NEGR1: variants seen among roughly 807,000 people sequenced by gnomAD.
NEGR1 encodes the protein IgLON family member 4.
In NEGR1, 10 loss-of-function variants were observed where a neutral mutation model predicts 40.9. The observed-to-expected ratio is 0.24, with a 90% CI of 0.15 to 0.42. NEGR1 has a LOEUF of 0.42. Among genes scored for constraint, NEGR1 ranks in the 10% least tolerant of loss-of-function variants. NEGR1 has a pLI of 1.00. For missense variants in NEGR1, 352 were observed against 438.9 expected (o/e 0.80, Z 1.77); for synonymous variants, 185 against 166.8 (o/e 1.11, Z -0.84).
intron 1 of NEGR1, among the ~76,000 whole-genome samples, chr1:72,238,897 GC>G (rs982357443): frequency 2.0e-5 from 3 of 151,814 alleles, no homozygotes; most frequent in African/African-American, 7.2e-5. Context: ...CTTTCAATGT[GC>G]CTCATACCAG....
intron 1 of NEGR1, among the ~76,000 whole-genome samples, chr1:72,007,532 C>T (rs1448747633): frequency 6.6e-6 from 1 of 152,098 alleles, no homozygotes; most frequent in Non-Finnish European, 1.5e-5. Flanking sequence ...TCCGCCACTG[C>T]TATGCCACAT....
rs35429988 is a variant in NEGR1 at position 71,927,818 on chromosome 1, TAAAAAAAAAAAAAAAAAA to T, written c.409+7243_409+7260del. Among the ~76,000 whole-genome samples, 93 of 22,448 alleles carry T rather than the reference TAAAAAAAAAAAAAAAAAA, an allele frequency of 4.1e-3. 2 individuals carry two copies. The South Asian group carries it at 0.045, about 11-fold the overall frequency. The allele number at this position is 22,448 out of a possible 152,430, so 14.7% of individuals were successfully genotyped here. ...GGGCAACATGGCAAGACCCAATCTC[TAAAAAAAAAAAAAAAAAA>T]AAAAAAAAAAAAAAAGCCAGGCAGA... On this transcript the variant is annotated intron_variant, in intron 2 of 6. Coordinates refer to ENST00000357731, the MANE Select transcript of NEGR1 (RefSeq NM_173808.3).
At chr1:71,957,264 A>G (rs898419163) in intron 1 of NEGR1, among the ~76,000 whole-genome samples, 76 of 152,114 alleles carry the variant, frequency 5.0e-4, no homozygotes, top group African/African-American at 1.8e-3. Context: ...GGAGCAGAAA[A>G]CTAAATGCCA....
Position 71,740,754 on chromosome 1 carries a change from G to A in NEGR1, c.535+35418C>T, listed in dbSNP as rs560841686. ...TAAATTAAATTAAATAATGAATATTGCAAGTGTATCTGCCATCTTTTGCCA... is the reference window on the plus strand; with the variant it reads ...TAAATTAAATTAAATAATGAATATTACAAGTGTATCTGCCATCTTTTGCCA... On this transcript the variant is annotated intron_variant, in intron 3 of 6. Coordinates refer to ENST00000357731, the MANE Select transcript of NEGR1 (RefSeq NM_173808.3). 2.6e-5 allele frequency among the ~76,000 whole-genome samples: 4 copies of A among 152,240 alleles called. No individual in the cohort carries two copies. In the East Asian group the frequency reaches 7.7e-4, roughly 29 times the overall value.
chr1:72,008,670 C>A (rs545610437), intron 1 of NEGR1, among the ~76,000 whole-genome samples: 1 of 151,960 alleles, frequency 6.6e-6, no homozygotes, highest in Admixed American at 6.6e-5. Context: ...TTAGCCTTGG[C>A]CTATGTAATT....
intron 1 of NEGR1, among the ~76,000 whole-genome samples, chr1:72,013,990 G>GAAAAAAAAAAAA (rs1557483824): frequency 8.4e-6 from 1 of 119,212 alleles, no homozygotes; most frequent in Admixed American, 8.3e-5. Context: ...AAAAAAAAAG[G>GAAAAAAAAAAAA]AGGTTGGGGG....
intron 2 of NEGR1, among the ~76,000 whole-genome samples, chr1:71,925,468 C>T (rs2101886903): frequency 6.6e-6 from 1 of 152,294 alleles, no homozygotes; most frequent in African/African-American, 2.4e-5. Flanking sequence ...CATAGCCTCA[C>T]TCTAATTCTG....
chr1:71,786,072 T>A (rs948736768), intron 2 of NEGR1, among the ~76,000 whole-genome samples: 1 of 152,094 alleles, frequency 6.6e-6, no homozygotes, highest in African/African-American at 2.4e-5. Flanking sequence ...ATTTTTCTAA[T>A]CATGAAGATA....
At chr1:72,134,572 C>G (rs1243321339) in intron 1 of NEGR1, among the ~76,000 whole-genome samples, 1 of 150,638 alleles carries the variant, frequency 6.6e-6, no homozygotes, top group Non-Finnish European at 1.5e-5. Context: ...TATACAATGG[C>G]AATTTCATGC....
chr1:71,688,325 T>TAG (rs1553158603), intron 4 of NEGR1, among the ~76,000 whole-genome samples: 8 of 103,234 alleles, frequency 7.7e-5, no homozygotes, highest in Non-Finnish European at 1.1e-4. Context: ...TATATATATA[T>TAG]ATAGATAGAT....
At chr1:72,045,408 T>C (rs1030138859) in intron 1 of NEGR1, among the ~76,000 whole-genome samples, 1 of 151,758 alleles carries the variant, frequency 6.6e-6, no homozygotes, top group Non-Finnish European at 1.5e-5. Context: ...AAACTTCATC[T>C]TGTAGCTTCC....
intron 1 of NEGR1, among the ~76,000 whole-genome samples, chr1:72,008,879 C>T: frequency 6.6e-6 from 1 of 151,874 alleles, no homozygotes; most frequent in East Asian, 1.9e-4. Context: ...TTTTTGAAAA[C>T]TCCTTCAGAA....
At chr1:71,976,779 T>C (rs1646308476) in intron 1 of NEGR1, among the ~76,000 whole-genome samples, 1 of 152,302 alleles carries the variant, frequency 6.6e-6, no homozygotes, top group African/African-American at 2.4e-5. Flanking sequence ...TCACTGACTC[T>C]AAAAGTAATA....
chr1:71,452,997 A>T (rs1277650825), intron 6 of NEGR1, among the ~76,000 whole-genome samples: 1 of 152,154 alleles, frequency 6.6e-6, no homozygotes, highest in Non-Finnish European at 1.5e-5. Context: ...TATTTCTATG[A>T]CCAAAAGTAT....
At chr1:72,148,717 G>A (rs1005880571) in intron 1 of NEGR1, among the ~76,000 whole-genome samples, 1 of 152,098 alleles carries the variant, frequency 6.6e-6, no homozygotes, top group African/African-American at 2.4e-5. Context: ...AAATCTCTAA[G>A]GCAGGGGCAA....
In NEGR1 at chr1:71,789,792, C is replaced by T. The variant is rs1570349277; in HGVS notation, c.410-13495G>A. On this transcript the variant is annotated intron_variant, in intron 2 of 6. Coordinates refer to ENST00000357731, the MANE Select transcript of NEGR1 (RefSeq NM_173808.3). ...TTTCTTGTTTTGAACACTCCAGTCT[C>T]GTCACTTGATAAATCCACCAAAAAT... Among the ~76,000 whole-genome samples, 5 of 152,050 alleles carry T rather than the reference C, an allele frequency of 3.3e-5. No homozygotes were observed. The East Asian group carries it at 5.8e-4, about 18-fold the overall frequency.
intron 1 of NEGR1, among the ~76,000 whole-genome samples, chr1:72,063,723 C>G (rs1647212236): frequency 6.6e-6 from 1 of 151,952 alleles, no homozygotes; most frequent in Non-Finnish European, 1.5e-5. Flanking sequence ...AACTATCTCA[C>G]ATGCCATCCT....
intron 1 of NEGR1, among the ~76,000 whole-genome samples, chr1:72,244,925 T>C (rs906896181): frequency 1.3e-5 from 2 of 152,010 alleles, no homozygotes; most frequent in Non-Finnish European, 2.9e-5. Flanking sequence ...ATAGTGCTTC[T>C]GTATAATGTT....
intron 4 of NEGR1, among the ~76,000 whole-genome samples, chr1:71,651,976 A>C (rs933477504): frequency 1.3e-5 from 2 of 152,180 alleles, no homozygotes; most frequent in Non-Finnish European, 2.9e-5. Flanking sequence ...ATTATACTAA[A>C]TGTTTTATGC....
Sources: gnomAD v4.1 joint callset for allele counts (sites outside exome capture counted in the v4.1 genomes callset) on GRCh38, gnomAD v4.1.1 for gene constraint, MANE v1.5 for transcripts, NCBI Gene and HGNC (gene_info 2026-07-23, HGNC 2026-07-21) for gene names.